The following INHBA variants were observed in gnomAD, a reference collection of about 807,000 sequenced individuals.
INHBA encodes the protein inhibin subunit beta A.
In INHBA, 1 loss-of-function variant was observed where a neutral mutation model predicts 29.0. That is an observed-to-expected ratio of 0.03 (90% CI 0.01 to 0.16). INHBA has a LOEUF of 0.16. Ranked by LOEUF, INHBA falls within the 10% of genes least tolerant of loss-of-function variation. The probability of loss-of-function intolerance (pLI) is 1.00; values close to 1 mark genes in which losing one functional copy is unlikely to be tolerated. For synonymous variants in INHBA, 242 were observed against 216.8 expected (o/e 1.12, Z -1.02); for missense variants, 376 against 545.4 (o/e 0.69, Z 3.09).
At position 41,687,504 on chromosome 7, in the gene INHBA, G is replaced by T. The variant is rs1371970251; in HGVS notation, c.*2146C>A. ...GCAAGCTAAGTACTAGAATAAACTA[G>T]ATAAAAACTTGGCTTTAAGCATGTA... On this transcript the variant is annotated 3_prime_UTR_variant, in exon 3 of 3. Coordinates refer to ENST00000242208, the MANE Select transcript of INHBA (RefSeq NM_002192.4). 1.3e-5 allele frequency: 2 copies of T among 152,010 alleles called. No homozygotes were observed. Among genetic ancestry groups the T allele is most frequent in the African/African-American group, 4.8e-5 (2 of 41,390 alleles). The allele number at this position is 152,010 out of a possible 1,614,324, so 9.4% of individuals were successfully genotyped here.
chr7:41,701,110 G>T (rs1187885849), intron 1 of INHBA, among the ~76,000 whole-genome samples: 1 of 151,804 alleles, frequency 6.6e-6, no homozygotes, highest in African/African-American at 2.4e-5. Context: ...TCTCTGCCCA[G>T]TCTCCTGGTT....
chr7:41,696,138 C>T (rs1794642472), intron 2 of INHBA, among the ~76,000 whole-genome samples: 2 of 152,130 alleles, frequency 1.3e-5, no homozygotes, highest in Admixed American at 6.5e-5. Flanking sequence ...ACAGAAAGAA[C>T]CTTTTTCCTC....
chr7:41,695,947 A>AAATATTTAAAG (rs1395889083), intron 2 of INHBA, among the ~76,000 whole-genome samples: 2 of 152,142 alleles, frequency 1.3e-5, no homozygotes, highest in Admixed American at 1.3e-4. Flanking sequence ...GCAGTTCTTT[A>AAATATTTAAAG]AATATTACAA....
At position 41,689,852 on chromosome 7, in the gene INHBA, C is replaced by T; in HGVS notation, c.1079G>A (p.Gly360Asp). ...CEGECPSHIAGTSGSSLSFHS... is the reference protein window; with the variant it reads ...CEGECPSHIADTSGSSLSFHS... Reference sequence around the variant, plus strand: ...GAAGGACAGTGAGGACCCGGACGTGCCTGCTATATGGCTCGGGCACTCACC... The same window carrying T: ...GAAGGACAGTGAGGACCCGGACGTGTCTGCTATATGGCTCGGGCACTCACC... The change falls in exon 3 of 3, where the codon GGC becomes GAC. Residue 360 changes from glycine to aspartate, a missense_variant. Physicochemically the swap from Gly to Asp is moderately conservative, Grantham distance 94. Coordinates refer to ENST00000242208, the MANE Select transcript of INHBA (RefSeq NM_002192.4). 6.2e-7 allele frequency: 1 copy of T among 1,614,078 alleles called. No homozygotes were observed. The highest frequency in any genetic ancestry group is 8.5e-7 in the Non-Finnish European group (1 of 1,179,990).
intron 2 of INHBA, among the ~76,000 whole-genome samples, chr7:41,695,281 T>C (rs934031605): frequency 1.3e-5 from 2 of 152,228 alleles, no homozygotes; most frequent in Non-Finnish European, 2.9e-5. Context: ...ACATTTAAAC[T>C]TACCATGGGA....
chr7:41,694,874 T>C (rs1426452964), intron 2 of INHBA, among the ~76,000 whole-genome samples: 5 of 152,186 alleles, frequency 3.3e-5, no homozygotes, highest in Non-Finnish European at 4.4e-5. Context: ...TCTGAAATGC[T>C]GCTGGGTGGG....
chr7:41,704,611 A>AGTGTGTGT (rs60031309), upstream of INHBA, among the ~76,000 whole-genome samples: 3 of 101,298 alleles, frequency 3.0e-5, no homozygotes, highest in African/African-American at 7.9e-5. Flanking sequence ...CACACAAAGT[A>AGTGTGTGT]GTGTGTGTGT....
At chr7:41,695,456 G>A (rs1794625405) in intron 2 of INHBA, among the ~76,000 whole-genome samples, 1 of 152,210 alleles carries the variant, frequency 6.6e-6, no homozygotes, top group Non-Finnish European at 1.5e-5. Flanking sequence ...CATTTGGACT[G>A]CTTCCAGGGG....
rs1794405280 is a variant in INHBA, at chr7:41,686,974, A to G, written c.*2676T>C. ...CTGCCAGTTTTCCAAGAAATTTTGT[A>G]AAGTTGAACATGGCCATCTACTCTT... On this transcript the variant is annotated 3_prime_UTR_variant, in exon 3 of 3. Coordinates refer to ENST00000242208, the MANE Select transcript of INHBA (RefSeq NM_002192.4). 6.6e-6 allele frequency: 1 copy of G among 152,222 alleles called. No individual in the cohort carries two copies. The highest frequency in any genetic ancestry group is 6.5e-5 in the Admixed American group (1 of 15,278). The allele number at this position is 152,222 out of a possible 1,614,324, so 9.4% of individuals were successfully genotyped here. A position where few individuals can be genotyped will look rare whatever the true frequency, so the allele number is the denominator to read the frequency against.
intron 2 of INHBA, among the ~76,000 whole-genome samples, chr7:41,697,472 G>A (rs1794674219): frequency 6.6e-6 from 1 of 152,214 alleles, no homozygotes; most frequent in Non-Finnish European, 1.5e-5. Flanking sequence ...TACTTCTGTA[G>A]CCAGGCCTTG....
rs762786351 is a variant in INHBA, at chr7:41,687,983, G to T, written c.*1667C>A. On this transcript the variant is annotated 3_prime_UTR_variant, in exon 3 of 3. Coordinates refer to ENST00000242208, the MANE Select transcript of INHBA (RefSeq NM_002192.4). ...GGGCACAAAAAAGAGGAGGAAATTT[G>T]ATCCCTGTACAATGAAAGAGGGCCT... 2 of 152,188 alleles carry T rather than the reference G, an allele frequency of 1.3e-5. No homozygotes were observed. The highest frequency in any genetic ancestry group is 2.9e-5 in the Non-Finnish European group (2 of 68,032). The allele number at this position is 152,188 out of a possible 1,614,324, so 9.4% of individuals were successfully genotyped here. A position where few individuals can be genotyped will look rare whatever the true frequency, so the allele number is the denominator to read the frequency against.
At position 41,689,166 on chromosome 7, in the gene INHBA, C is replaced by T. The variant is rs1047638195; in HGVS notation, c.*484G>A. On this transcript the variant is annotated 3_prime_UTR_variant, in exon 3 of 3. Transcript: ENST00000242208. ...CTGATATACACAGAGATAAGTGTCA[C>T]ACAGACATACCTTATGACCTGGGTA... 2.1e-5 allele frequency: 5 copies of T among 234,268 alleles called. No homozygotes were observed. Among genetic ancestry groups the T allele is most frequent in the Non-Finnish European group, 3.4e-5 (4 of 119,142 alleles). 14.5% of individuals were successfully genotyped at this position (234,268 alleles called of 1,614,324 possible).
intron 1 of INHBA, among the ~76,000 whole-genome samples, chr7:41,701,182 A>T (rs1380700882): frequency 6.6e-6 from 1 of 152,020 alleles, no homozygotes; most frequent in African/African-American, 2.4e-5. Flanking sequence ...TGTCTCAATC[A>T]ATAGGGATGA....
intron 2 of INHBA, among the ~76,000 whole-genome samples, chr7:41,698,040 C>T (rs1050675918): frequency 1.3e-5 from 2 of 152,084 alleles, no homozygotes; most frequent in African/African-American, 4.8e-5. Context: ...TGTGAACGTC[C>T]AACGAATCGC....
chr7:41,701,729 C>CT (rs1265774699), intron 1 of INHBA, among the ~76,000 whole-genome samples: 1 of 152,166 alleles, frequency 6.6e-6, no homozygotes, highest in Admixed American at 6.5e-5. Context: ...ACTCGTATGA[C>CT]TTGAATAACT....
At position 41,700,297 on chromosome 7, in the gene INHBA, G is replaced by T. The variant is rs1318165839; in HGVS notation, c.78C>A (p.Ser26=). The T allele has an allele frequency of 2.5e-5, 39 of 1,580,396 alleles. No individual in the cohort carries two copies. The highest frequency in any genetic ancestry group is 3.3e-5 in the Non-Finnish European group (38 of 1,161,458). Residue 26 remains serine (S), a synonymous_variant, in exon 2 of 3, where the codon TCC becomes TCA. Coordinates refer to ENST00000242208, the MANE Select transcript of INHBA (RefSeq NM_002192.4). ...IIVRSSPTPG[S]EGHSAAPDCP... ...AGTCGGGGGCCGCGCTGTGCCCCTC[G>T]GATCCTGGGGTGGGGGAACTCCTCA... is the stretch of plus-strand genomic sequence containing the variant.
chr7:41,698,211 T>C (rs917031270), intron 2 of INHBA, among the ~76,000 whole-genome samples: 10 of 152,166 alleles, frequency 6.6e-5, no homozygotes, highest in African/African-American at 1.9e-4. Context: ...AATCTCTAAA[T>C]GCTAAGAGAG....
At chr7:41,696,679 C>A (rs1239760138) in intron 2 of INHBA, among the ~76,000 whole-genome samples, 1 of 152,086 alleles carries the variant, frequency 6.6e-6, no homozygotes, top group Non-Finnish European at 1.5e-5. Flanking sequence ...AAAGGCATCC[C>A]TAAAGGAGGG....
rs138390502 is a variant in INHBA, at chr7:41,697,613, C to G, written c.388+2374G>C. Reference sequence around the variant, plus strand: ...GCTCATGGGTGACAATGTCTGGATTCTATGCTGCACAAAATGGTTATAAGG... The same window carrying G: ...GCTCATGGGTGACAATGTCTGGATTGTATGCTGCACAAAATGGTTATAAGG... On this transcript the variant is annotated intron_variant, in intron 2 of 2. Transcript: ENST00000242208. Among the ~76,000 whole-genome samples the G allele has an allele frequency of 7.9e-5, 12 of 152,320 alleles. No individual in the cohort carries two copies. The East Asian group carries it at 1.7e-3, about 22-fold the overall frequency.
Sources: gnomAD v4.1 joint callset for allele counts (sites outside exome capture counted in the v4.1 genomes callset) on GRCh38, gnomAD v4.1.1 for gene constraint, MANE v1.5 for transcripts, NCBI Gene and HGNC (gene_info 2026-07-23, HGNC 2026-07-21) for gene names.